The following PTPRG variants were observed in gnomAD, a reference collection of about 807,000 sequenced individuals.
PTPRG encodes the protein protein tyrosine phosphatase receptor type G.
PTPRG carries 102 observed loss-of-function variants against 165.3 expected under a neutral mutation model. The observed-to-expected ratio is 0.62, with a 90% CI of 0.53 to 0.73. The LOEUF (loss-of-function observed/expected upper bound fraction) is 0.73. PTPRG is among the 30% of genes least tolerant of loss of function. The pLI, the probability that PTPRG is intolerant of heterozygous loss-of-function variation, is 0.00. For missense variants in PTPRG, 1,866 were observed against 1,861.4 expected (o/e 1.00, Z -0.05); for synonymous variants, 675 against 669.5 (o/e 1.01, Z -0.13).
At chr3:62,187,178 C>T (rs1699682544) in intron 8 of PTPRG, among the ~76,000 whole-genome samples, 2 of 152,190 alleles carry the variant, frequency 1.3e-5, no homozygotes, top group Admixed American at 1.3e-4. Context: ...TACAGATCGT[C>T]AATGAAGTCA....
chr3:61,902,818 A>T (rs896306102), intron 2 of PTPRG, among the ~76,000 whole-genome samples: 1 of 152,108 alleles, frequency 6.6e-6, no homozygotes, highest in African/African-American at 2.4e-5. Flanking sequence ...TGTATCTGGC[A>T]TATATCAGTG....
At chr3:62,275,362 A>G (rs1702198005) in intron 23 of PTPRG, among the ~76,000 whole-genome samples, 1 of 152,094 alleles carries the variant, frequency 6.6e-6, no homozygotes. Context: ...TGAGGATCAC[A>G]GAAAAAAATT....
rs367960450 is a variant in PTPRG at position 61,857,935 on chromosome 3, C to A, written c.190+108953C>A. Reference sequence around the variant, plus strand: ...ATTTAGCAACATCCCTGCCTCTATCCACTGGAAGTCACTGACACCTCCCTC... The same window carrying A: ...ATTTAGCAACATCCCTGCCTCTATCAACTGGAAGTCACTGACACCTCCCTC... On this transcript the variant is annotated intron_variant, in intron 2 of 29. Transcript: ENST00000474889. Among the ~76,000 whole-genome samples the A allele has an allele frequency of 2.3e-3, 346 of 152,236 alleles. 1 individual carries two copies. Among genetic ancestry groups the A allele is most frequent in the African/African-American group, 7.6e-3 (314 of 41,544 alleles).
chr3:61,643,963 G>A (rs895726430), intron 1 of PTPRG, among the ~76,000 whole-genome samples: 3 of 152,148 alleles, frequency 2.0e-5, no homozygotes, highest in African/African-American at 7.2e-5. Context: ...TTCCAAGTTT[G>A]TCCTCCTTCC....
chr3:62,170,944 T>C (rs1318725158), intron 8 of PTPRG, among the ~76,000 whole-genome samples: 1 of 152,146 alleles, frequency 6.6e-6, no homozygotes, highest in African/African-American at 2.4e-5. Context: ...CCCTTCCTAA[T>C]CACTCTGTGT....
At chr3:61,750,308 G>A (rs553713619) in intron 2 of PTPRG, 4 of 152,186 alleles carry the variant, frequency 2.6e-5, no homozygotes, top group Non-Finnish European at 5.9e-5. Flanking sequence ...GCTATTTACA[G>A]TTCATCAGTT....
intron 4 of PTPRG, among the ~76,000 whole-genome samples, chr3:62,018,039 C>T (rs1030015727): frequency 2.6e-4 from 39 of 152,182 alleles, no homozygotes; most frequent in African/African-American, 8.9e-4. Context: ...TTGCCAGATT[C>T]CTTTCCTTGG....
chr3:61,688,097 T>G (rs764295906), intron 1 of PTPRG, among the ~76,000 whole-genome samples: 9 of 152,202 alleles, frequency 5.9e-5, no homozygotes, highest in Non-Finnish European at 1.2e-4. Flanking sequence ...TTCATGACCT[T>G]GGCTCTGTTG....
intron 1 of PTPRG, among the ~76,000 whole-genome samples, chr3:61,584,181 A>G (rs959799607): frequency 4.1e-5 from 6 of 147,074 alleles, no homozygotes; most frequent in African/African-American, 1.3e-4. Context: ...TTATTTGTAA[A>G]TTAGAATCCT....
intron 1 of PTPRG, among the ~76,000 whole-genome samples, chr3:61,702,685 C>G (rs547640996): frequency 7.9e-5 from 12 of 152,178 alleles, no homozygotes; most frequent in Admixed American, 7.8e-4. Flanking sequence ...TTTCCCAACC[C>G]CCCACCAGGT....
chr3:61,650,779 T>G (rs948040162), intron 1 of PTPRG, among the ~76,000 whole-genome samples: 2 of 152,228 alleles, frequency 1.3e-5, no homozygotes, highest in Non-Finnish European at 2.9e-5. Context: ...CTTAATTGTT[T>G]AACTCTCGAT....
intron 1 of PTPRG, among the ~76,000 whole-genome samples, chr3:61,690,184 T>C (rs72878408): frequency 0.01 from 1,568 of 152,330 alleles, 34 homozygotes; most frequent in African/African-American, 0.036. Flanking sequence ...ATCACCAGCT[T>C]TCATTGCATG....
At chr3:61,718,213 C>CCAAA in intron 1 of PTPRG, among the ~76,000 whole-genome samples, 1 of 102,444 alleles carries the variant, frequency 9.8e-6, no homozygotes, top group Non-Finnish European at 2.1e-5. Context: ...AAACAAAAAC[C>CCAAA]AAAAAAAAAA....
At chr3:62,201,354 C>CT in intron 10 of PTPRG, 151 bp from the exon 11 acceptor site, 1 of 641,788 alleles carries the variant, frequency 1.6e-6, no homozygotes, top group Non-Finnish European at 2.5e-6. Context: ...CCAAGAAGGG[C>CT]TTTATATTTT....
At chr3:61,618,713 C>A (rs1312276919) in intron 1 of PTPRG, among the ~76,000 whole-genome samples, 1 of 152,042 alleles carries the variant, frequency 6.6e-6, no homozygotes, top group Non-Finnish European at 1.5e-5. Flanking sequence ...AACAATTGAT[C>A]AGATAAAAAA....
At chr3:62,095,325 T>C (rs1702074626) in intron 5 of PTPRG, among the ~76,000 whole-genome samples, 1 of 152,130 alleles carries the variant, frequency 6.6e-6, no homozygotes, top group Non-Finnish European at 1.5e-5. Context: ...AAGGAGATTT[T>C]TGTGAGGTGG....
intron 1 of PTPRG, 92 bp from the exon 2 acceptor site, chr3:61,748,786 C>T: frequency 1.0e-6 from 1 of 962,598 alleles, no homozygotes. Context: ...GACTATGATT[C>T]TACGAAGTCA....
intron 1 of PTPRG, among the ~76,000 whole-genome samples, chr3:61,600,978 G>A (rs1575529515): frequency 6.6e-6 from 1 of 152,324 alleles, no homozygotes; most frequent in Middle Eastern, 3.4e-3. Flanking sequence ...TTTTGGGCCA[G>A]ATGTGGTGGC....
At chr3:62,289,556 A>AACTT (rs1702797056) in intron 28 of PTPRG, among the ~76,000 whole-genome samples, 1 of 152,110 alleles carries the variant, frequency 6.6e-6, no homozygotes, top group Admixed American at 6.6e-5. Context: ...CATCATGAAA[A>AACTT]ACTTATCCTA....
Sources: gnomAD v4.1 joint callset for allele counts (sites outside exome capture counted in the v4.1 genomes callset) on GRCh38, gnomAD v4.1.1 for gene constraint, MANE v1.5 for transcripts, NCBI Gene and HGNC (gene_info 2026-07-23, HGNC 2026-07-21) for gene names.